Variants in POLA1 observed in about 807,000 individuals in gnomAD.
POLA1 encodes DNA polymerase alpha 1, catalytic subunit, also known as DNA polymerase alpha catalytic subunit.
Under a neutral mutation model 124.0 loss-of-function variants are expected in POLA1, and 15 were observed. The ratio of observed to expected loss-of-function variants is 0.12; its 90% CI spans 0.08 to 0.19. The LOEUF (loss-of-function observed/expected upper bound fraction) is 0.19, where lower values mean the gene tolerates loss of function less well. Ranked by LOEUF, POLA1 falls within the 10% of genes least tolerant of loss-of-function variation. The pLI, the probability that POLA1 is intolerant of heterozygous loss-of-function variation, is 1.00. For missense variants in POLA1, 886 were observed against 1,103.4 expected (o/e 0.80, Z 2.79); for synonymous variants, 408 against 389.4 (o/e 1.05, Z -0.56).
chrX:24,847,431 G>A (rs1028044788), intron 34 of POLA1, among the ~76,000 whole-genome samples: 2 of 111,946 alleles, frequency 1.8e-5, no homozygotes, highest in African/African-American at 6.5e-5. Flanking sequence ...TGGGTAAAGT[G>A]TGTTCCCCAC....
chrX:24,714,011 T>C lies in POLA1; in HGVS notation c.347-543T>C, dbSNP rs757892709. Among the ~76,000 whole-genome samples the C allele has an allele frequency of 2.1e-4, 24 of 112,556 alleles. No homozygotes were observed. The South Asian group carries it at 8.1e-3, about 38-fold the overall frequency. On this transcript the variant is annotated intron_variant, in intron 4 of 36. Transcript: ENST00000379068. Reference sequence around the variant, plus strand: ...TTTTTAAAAAGCTTTTTATTCACATTAACAATAGCAGTTAAGCAGTCACAC... The same window carrying C: ...TTTTTAAAAAGCTTTTTATTCACATCAACAATAGCAGTTAAGCAGTCACAC...
intron 34 of POLA1, among the ~76,000 whole-genome samples, chrX:24,884,394 C>T (rs1160267549): frequency 8.9e-6 from 1 of 111,856 alleles, no homozygotes; most frequent in African/African-American, 3.3e-5. Context: ...GGCAATCCAC[C>T]TGCCTCGGCC....
intron 34 of POLA1, among the ~76,000 whole-genome samples, chrX:24,887,020 C>T (rs2047073787): frequency 9.0e-6 from 1 of 111,574 alleles, no homozygotes; most frequent in South Asian, 3.8e-4. Flanking sequence ...AGCAGCATAC[C>T]GTGTTCACCT....
intron 30 of POLA1, among the ~76,000 whole-genome samples, chrX:24,815,725 A>G (rs1238045014): frequency 8.9e-6 from 1 of 111,934 alleles, no homozygotes; most frequent in African/African-American, 3.2e-5. Flanking sequence ...CTAATTTTGC[A>G]AATACAATGC....
At chrX:24,943,203 T>C (rs1046162492) in intron 36 of POLA1, among the ~76,000 whole-genome samples, 5 of 112,725 alleles carry the variant, frequency 4.4e-5, no homozygotes, top group African/African-American at 6.4e-5. Context: ...TATCCACTTA[T>C]CTTAAAACAG....
At chrX:24,703,813 G>A (rs183203208) in intron 3 of POLA1, among the ~76,000 whole-genome samples, 16 of 111,931 alleles carry the variant, frequency 1.4e-4, no homozygotes, top group East Asian at 5.6e-4. Context: ...GTGTATATGA[G>A]GTTCTAGGTA....
At position 24,781,923 on chromosome X, in the gene POLA1, A is replaced by C. The variant is rs568930045; in HGVS notation, c.2965-27975A>C. Among the ~76,000 whole-genome samples, 56 of 112,073 alleles carry C rather than the reference A, an allele frequency of 5.0e-4. 1 individual carries two copies. The South Asian group carries it at 0.019, about 39-fold the overall frequency. ...AGTATATATTGTAATTCAAATTAAAAAATGCTAGAAGTCATCTTAGGTCTC... is the reference window on the plus strand; with the variant it reads ...AGTATATATTGTAATTCAAATTAAACAATGCTAGAAGTCATCTTAGGTCTC... On this transcript the variant is annotated intron_variant, in intron 26 of 36. Transcript: ENST00000379068.
At chrX:24,897,497 C>G (rs1196897041) in intron 35 of POLA1, among the ~76,000 whole-genome samples, 1 of 110,440 alleles carries the variant, frequency 9.1e-6, no homozygotes, top group Non-Finnish European at 1.9e-5. Context: ...AGTGCATACC[C>G]AAGTGATGTT....
chrX:24,835,048 CTT>C (rs761260774), intron 32 of POLA1, among the ~76,000 whole-genome samples: 10 of 97,389 alleles, frequency 1.0e-4, no homozygotes, highest in Admixed American at 1.1e-4. Flanking sequence ...TTTGCATTTC[CTT>C]TTTTTTTTTT....
chrX:24,899,726 G>T (rs1439078231), intron 35 of POLA1, among the ~76,000 whole-genome samples: 1 of 111,345 alleles, frequency 9.0e-6, no homozygotes, highest in Non-Finnish European at 1.9e-5. Flanking sequence ...TAATACACTC[G>T]TTATTTCTGC....
At chrX:24,808,485 G>A (rs764455977) in intron 26 of POLA1, among the ~76,000 whole-genome samples, 1 of 103,200 alleles carries the variant, frequency 9.7e-6, no homozygotes, top group Admixed American at 1.1e-4. Flanking sequence ...GTAAGAAAAT[G>A]TAAGAAAACT....
intron 26 of POLA1, among the ~76,000 whole-genome samples, chrX:24,779,476 T>C (rs1334082428): frequency 8.9e-6 from 1 of 112,389 alleles, no homozygotes; most frequent in African/African-American, 3.2e-5. Context: ...GTTTTGTTCA[T>C]GTAGTATGGC....
intron 36 of POLA1, among the ~76,000 whole-genome samples, chrX:24,938,464 C>T (rs1319716272): frequency 7.2e-5 from 8 of 111,642 alleles, no homozygotes; most frequent in Non-Finnish European, 1.5e-4. Flanking sequence ...CGTGTAAGGG[C>T]CACTCTCTAT....
chrX:24,845,717 T>C (rs1027497782), intron 34 of POLA1, among the ~76,000 whole-genome samples: 1 of 112,171 alleles, frequency 8.9e-6, no homozygotes, highest in East Asian at 2.8e-4. Flanking sequence ...GGTAAGGATA[T>C]TGATAGTAAG....
intron 23 of POLA1, chrX:24,744,646 G>A (rs1189772317): frequency 6.2e-6 from 2 of 322,753 alleles, no homozygotes; most frequent in Non-Finnish European, 1.1e-5. Context: ...ATTTTTTGAA[G>A]CTGTTGTAAA....
chrX:24,855,963 G>A (rs1024019455), intron 34 of POLA1, among the ~76,000 whole-genome samples: 17 of 111,848 alleles, frequency 1.5e-4, no homozygotes, highest in Non-Finnish European at 3.2e-4. Context: ...TACTACTATC[G>A]CTTTCTAGAA....
At chrX:24,722,578 G>A (rs924110920) in intron 10 of POLA1, among the ~76,000 whole-genome samples, 2 of 112,582 alleles carry the variant, frequency 1.8e-5, no homozygotes, top group African/African-American at 6.5e-5. Context: ...AAACACTGAT[G>A]CACTAGTTAT....
chrX:24,863,480 T>C (rs1400898893), intron 34 of POLA1, among the ~76,000 whole-genome samples: 1 of 111,784 alleles, frequency 8.9e-6, no homozygotes, highest in African/African-American at 3.3e-5. Flanking sequence ...GCCGAAATAA[T>C]TGAGGGAATA....
In POLA1 at chrX:24,703,445, G is replaced by T. The variant is rs1048752104; in HGVS notation, c.265+98G>T. Reference sequence around the variant, plus strand: ...ACTCATGTGGTGGAGTTGCTGCTTTGCCTGGGCAAATGTAAGGCACTGTTA... The same window carrying T: ...ACTCATGTGGTGGAGTTGCTGCTTTTCCTGGGCAAATGTAAGGCACTGTTA... On this transcript the variant is annotated intron_variant, in intron 3 of 36. Transcript: ENST00000379068. 6.8e-6 allele frequency: 4 copies of T among 589,637 alleles called. No homozygotes were observed. The African/African-American group carries it at 9.0e-5, about 13-fold the overall frequency. The allele number at this position is 589,637 out of a possible 1,213,427, so 48.6% of individuals were successfully genotyped here.
Sources: gnomAD v4.1 joint callset for allele counts (sites outside exome capture counted in the v4.1 genomes callset) on GRCh38, gnomAD v4.1.1 for gene constraint, MANE v1.5 for transcripts, NCBI Gene and HGNC (gene_info 2026-07-23, HGNC 2026-07-21) for gene names.